The following FRMD5 variants were observed in gnomAD, a reference collection of about 807,000 sequenced individuals.
The protein encoded by FRMD5 is FERM domain-containing protein 5.
In FRMD5, 20 loss-of-function variants were observed where a neutral mutation model predicts 69.0. The ratio of observed to expected loss-of-function variants is 0.29; its 90% CI spans 0.20 to 0.42. FRMD5 has a LOEUF of 0.42. Ranked by LOEUF, FRMD5 falls within the 10% of genes least tolerant of loss-of-function variation. The probability of loss-of-function intolerance (pLI) is 1.00; values close to 1 mark genes in which losing one functional copy is unlikely to be tolerated. For missense variants in FRMD5, 595 were observed against 708.6 expected (o/e 0.84, Z 1.82); for synonymous variants, 271 against 260.1 (o/e 1.04, Z -0.40).
intron 2 of FRMD5, among the ~76,000 whole-genome samples, chr15:43,921,983 C>T (rs1205481858): frequency 6.6e-6 from 1 of 152,114 alleles, no homozygotes; most frequent in African/African-American, 2.4e-5. Context: ...TAGGCCCTTA[C>T]ACCCTGAGGG....
At chr15:44,038,520 C>CTTTTTTTT (rs71111834) in intron 1 of FRMD5, among the ~76,000 whole-genome samples, 645 of 63,188 alleles carry the variant, frequency 0.01, 179 homozygotes, top group South Asian at 0.015. Flanking sequence ...CTAGCCAGAG[C>CTTTTTTTT]TTTTTTTTTT....
At position 44,033,587 on chromosome 15, in the gene FRMD5, T is replaced by G. The variant is rs143674460; in HGVS notation, c.103-109278A>C. ...TTTCATTTATTCCATTGTTTACACT[T>G]GCTTTGTAAGATTTTTGTACAGAGA... On this transcript the variant is annotated intron_variant, in intron 1 of 13. Coordinates refer to ENST00000417257, the MANE Select transcript of FRMD5 (RefSeq NM_032892.5). Among the ~76,000 whole-genome samples, 41 of 152,336 alleles carry G rather than the reference T, an allele frequency of 2.7e-4. No homozygotes were observed. The East Asian group carries it at 7.3e-3, about 27-fold the overall frequency.
intron 8 of FRMD5, among the ~76,000 whole-genome samples, chr15:43,890,828 C>T (rs996508077): frequency 9.9e-5 from 15 of 152,266 alleles, no homozygotes; most frequent in South Asian, 4.1e-4. Context: ...GGCTGACGAT[C>T]GTAATGCCCT....
intron 1 of FRMD5, among the ~76,000 whole-genome samples, chr15:44,089,864 T>C (rs2076446851): frequency 6.6e-6 from 1 of 152,152 alleles, no homozygotes; most frequent in South Asian, 2.1e-4. Flanking sequence ...CAGAAGTGCC[T>C]ATTATAAAGC....
At chr15:44,168,362 A>G (rs950452140) in intron 1 of FRMD5, among the ~76,000 whole-genome samples, 13 of 152,210 alleles carry the variant, frequency 8.5e-5, no homozygotes, top group Non-Finnish European at 1.6e-4. Context: ...GCCTTTATGA[A>G]TTTAGGATCC....
At chr15:44,183,568 G>A (rs949316302) in intron 1 of FRMD5, among the ~76,000 whole-genome samples, 9 of 152,178 alleles carry the variant, frequency 5.9e-5, no homozygotes, top group African/African-American at 2.2e-4. Context: ...TGTGCAGTGA[G>A]GTGTTCACTA....
intron 1 of FRMD5, among the ~76,000 whole-genome samples, chr15:44,016,863 C>T (rs2140238589): frequency 2.0e-5 from 3 of 147,996 alleles, no homozygotes. Context: ...GAGACAGGGT[C>T]TCACTCGGTT....
intron 1 of FRMD5, among the ~76,000 whole-genome samples, chr15:43,978,097 G>A (rs1295770771): frequency 6.6e-6 from 1 of 152,074 alleles, no homozygotes; most frequent in Non-Finnish European, 1.5e-5. Context: ...TTCCTGACCG[G>A]GACCGCTTGC....
At chr15:44,091,212 G>A (rs1468985955) in intron 1 of FRMD5, among the ~76,000 whole-genome samples, 2 of 152,136 alleles carry the variant, frequency 1.3e-5, no homozygotes, top group Admixed American at 1.3e-4. Flanking sequence ...CCACCTAAGT[G>A]TTACAGTATA....
chr15:44,055,875 T>C (rs1442177866), intron 1 of FRMD5, among the ~76,000 whole-genome samples: 1 of 152,212 alleles, frequency 6.6e-6, no homozygotes, highest in Non-Finnish European at 1.5e-5. Context: ...CTGACGATTC[T>C]CTAATTCTAT....
chr15:44,185,390 T>C (rs893221179), intron 1 of FRMD5, among the ~76,000 whole-genome samples: 9 of 152,152 alleles, frequency 5.9e-5, no homozygotes, highest in African/African-American at 1.9e-4. Context: ...TACTGAGAAA[T>C]TGCAGGCTTA....
At chr15:43,874,617 A>T (rs1013508713) in intron 13 of FRMD5, among the ~76,000 whole-genome samples, 155 bp from the exon 14 acceptor site, 1 of 152,188 alleles carries the variant, frequency 6.6e-6, no homozygotes, top group Non-Finnish European at 1.5e-5. Flanking sequence ...AGAAGACGAC[A>T]GGCCGGGTAT....
intron 1 of FRMD5, among the ~76,000 whole-genome samples, chr15:44,088,934 G>T: frequency 6.6e-6 from 1 of 152,198 alleles, no homozygotes; most frequent in South Asian, 2.1e-4. Flanking sequence ...ACTCAGTAGT[G>T]GTTTTCTCCT....
rs565219622 is a variant in FRMD5, at chr15:44,104,968, C to A, written c.102+89985G>T. On this transcript the variant is annotated intron_variant, in intron 1 of 13. Transcript: ENST00000417257. Reference sequence around the variant, plus strand: ...TATACCACACTTTATTTATTCATTTCTCAGCTGACAGATATTTGGGTTACT... The same window carrying A: ...TATACCACACTTTATTTATTCATTTATCAGCTGACAGATATTTGGGTTACT... 5.3e-5 allele frequency among the ~76,000 whole-genome samples: 8 copies of A among 152,076 alleles called. No individual in the cohort carries two copies. The South Asian group carries it at 1.7e-3, about 32-fold the overall frequency.
At chr15:44,124,389 G>A (rs950707427) in intron 1 of FRMD5, among the ~76,000 whole-genome samples, 1 of 151,868 alleles carries the variant, frequency 6.6e-6, no homozygotes, top group African/African-American at 2.4e-5. Flanking sequence ...GAGGTAGGAA[G>A]GAAGAAGAAA....
At position 43,871,809 on chromosome 15, in the gene FRMD5, A is replaced by T. The variant is rs1457756531; in HGVS notation, c.*2076T>A. 6.6e-6 allele frequency: 1 copy of T among 152,234 alleles called. No homozygotes were observed. Among genetic ancestry groups the T allele is most frequent in the Non-Finnish European group, 1.5e-5 (1 of 68,046 alleles). 9.4% of individuals were successfully genotyped at this position (152,234 alleles called of 1,614,324 possible). A position where few individuals can be genotyped will look rare whatever the true frequency, so the allele number is the denominator to read the frequency against. ...TATTTGATCTTGCCCATTTGGCATC[A>T]GACATCTCTTTGCTGGTTAGTTGTT... On this transcript the variant is annotated 3_prime_UTR_variant, in exon 14 of 14. Coordinates refer to ENST00000417257, the MANE Select transcript of FRMD5 (RefSeq NM_032892.5).
intron 10 of FRMD5, among the ~76,000 whole-genome samples, chr15:43,886,375 C>T (rs1049324302): frequency 2.0e-5 from 3 of 152,068 alleles, no homozygotes; most frequent in Admixed American, 6.6e-5. Context: ...AATAAAAGTC[C>T]GTCATGTATT....
chr15:44,011,887 AGC>A (rs1890736799), intron 1 of FRMD5, among the ~76,000 whole-genome samples: 1 of 152,214 alleles, frequency 6.6e-6, no homozygotes, highest in African/African-American at 2.4e-5. Flanking sequence ...GAAAAATGCC[AGC>A]GAGACATCGA....
intron 1 of FRMD5, among the ~76,000 whole-genome samples, chr15:44,138,821 G>A (rs1298222924): frequency 6.6e-6 from 1 of 152,148 alleles, no homozygotes; most frequent in Non-Finnish European, 1.5e-5. Context: ...AAAACATTAT[G>A]CTAAGTGAAA....
Sources: allele counts gnomAD v4.1 joint callset (sites outside exome capture counted in the v4.1 genomes callset), GRCh38; gene constraint gnomAD v4.1.1; transcripts MANE v1.5; gene names NCBI Gene and HGNC (gene_info 2026-07-23, HGNC 2026-07-21).